The following LMF1 variants were observed in gnomAD, a reference collection of about 807,000 sequenced individuals.
LMF1 encodes the protein transmembrane protein 112.
A neutral mutation model predicts 60.6 loss-of-function variants in LMF1; 68 were observed. The observed-to-expected ratio is 1.12, with a 90% CI of 0.92 to 1.37. The LOEUF is 1.37. Ranked by LOEUF, LMF1 falls within the 40% of genes most tolerant of loss-of-function variation. The probability of loss-of-function intolerance (pLI) is 0.00; values close to 1 mark genes in which losing one functional copy is unlikely to be tolerated. For synonymous variants in LMF1, 418 were observed against 324.7 expected (o/e 1.29, Z -3.09); for missense variants, 948 against 767.2 (o/e 1.24, Z -2.78).
At chr16:869,266 G>A (rs1216796712) in intron 9 of LMF1, 10 of 670,576 alleles carry the variant, frequency 1.5e-5, no homozygotes, top group Non-Finnish European at 2.2e-5. Flanking sequence ...GTCGGCCGCT[G>A]GCTTCGCTCC....
chr16:955,484 CAT>C (rs1185381667), intron 1 of LMF1, among the ~76,000 whole-genome samples: 2 of 147,500 alleles, frequency 1.4e-5, no homozygotes, highest in Admixed American at 1.3e-4. Flanking sequence ...CACACACACA[CAT>C]CTAAGTAAAC....
At chr16:963,566 T>C (rs2072861038) in intron 1 of LMF1, among the ~76,000 whole-genome samples, 1 of 151,968 alleles carries the variant, frequency 6.6e-6, no homozygotes, top group Admixed American at 6.5e-5. Flanking sequence ...TGTATGCAGG[T>C]GGGAGAAACA....
chr16:976,693 G>A, intron 1 of LMF1: 1 of 454,118 alleles, frequency 2.2e-6, no homozygotes, highest in Non-Finnish European at 4.4e-6. Context: ...CCAGAAGCTT[G>A]GGGACCCGCT....
At chr16:888,623 C>T (rs1277830756) in intron 5 of LMF1, among the ~76,000 whole-genome samples, 1 of 152,244 alleles carries the variant, frequency 6.6e-6, no homozygotes, top group East Asian at 1.9e-4. Flanking sequence ...CAGGCAACCG[C>T]TCCGATGTGG....
rs2072834695 is a variant in LMF1 at position 962,618 on chromosome 16, G to T, written c.194-7952C>A. 6.6e-6 allele frequency among the ~76,000 whole-genome samples: 1 copy of T among 152,136 alleles called. No individual in the cohort carries two copies. The highest frequency in any genetic ancestry group is 1.5e-5 in the Non-Finnish European group (1 of 68,036). On this transcript the variant is annotated intron_variant, in intron 1 of 10. Coordinates refer to ENST00000262301, the MANE Select transcript of LMF1 (RefSeq NM_022773.4). The surrounding 1 kb of genome is among the most constrained non-coding windows in gnomAD (Gnocchi z 4.5). ...TCTAATTGCGAGGAAACACCAGACGGACCCAACGTGAGGGACGCTCTACAG... is the reference window on the plus strand; with the variant it reads ...TCTAATTGCGAGGAAACACCAGACGTACCCAACGTGAGGGACGCTCTACAG...
rs1363460602 is a variant in LMF1, at chr16:962,220, G to A, written c.194-7554C>T. 1.4e-5 allele frequency among the ~76,000 whole-genome samples: 2 copies of A among 141,940 alleles called. No homozygotes were observed. The highest frequency in any genetic ancestry group is 2.7e-5 in the African/African-American group (1 of 37,140). The allele number at this position is 141,940 out of a possible 152,430, so 93.1% of individuals were successfully genotyped here. The stretch of plus-strand genomic sequence containing the variant: ...CACGACCCAGACACAGACTCACGGT[G>A]ACAGCATGGGATCACGACCCAGACA... On this transcript the variant is annotated intron_variant, in intron 1 of 10. Coordinates refer to ENST00000262301, the MANE Select transcript of LMF1 (RefSeq NM_022773.4). This position sits in a 1 kb window ranked among gnomAD's most constrained non-coding sequence, Gnocchi z 4.5.
At chr16:976,435 C>G (rs1293791892) in intron 1 of LMF1, 1 of 454,170 alleles carries the variant, frequency 2.2e-6, no homozygotes, top group East Asian at 6.9e-5. Flanking sequence ...CTGCCACCAA[C>G]GGAAGCGTTG....
chr16:854,682 C>T lies in LMF1; in HGVS notation c.1554G>A (p.Arg518=), dbSNP rs1432924219. ...PPRWVRGEHY[R]YKFSRPGGRH... is the part of the protein sequence containing the mutation. ...TGCCCCCAGGACGGCTGAACTTGTA[C>T]CTGTAGTGCTCTCCTCGGACCCACC... is the stretch of plus-strand genomic sequence containing the variant. Residue 518 remains arginine, a synonymous_variant, in exon 11 of 11, where the codon AGG becomes AGA. Transcript: ENST00000262301. The T allele has an allele frequency of 3.7e-6, 6 of 1,600,468 alleles. No homozygotes were observed. The highest frequency in any genetic ancestry group is 5.1e-6 in the Non-Finnish European group (6 of 1,177,226).
At position 954,188 on chromosome 16, in the gene LMF1, T is replaced by C. The variant is rs963471881; in HGVS notation, c.503+169A>G. 11 of 746,366 alleles carry C rather than the reference T, an allele frequency of 1.5e-5. No individual in the cohort carries two copies. In the African/African-American group the frequency reaches 1.9e-4, roughly 13 times the overall value. The allele number at this position is 746,366 out of a possible 1,614,324, so 46.2% of individuals were successfully genotyped here. A position where few individuals can be genotyped will look rare whatever the true frequency, so the allele number is the denominator to read the frequency against. Reference sequence around the variant, plus strand: ...TAATCCTGAAGATGGGTGGCTGCTGTGGCTGGTGCACTGGCCGCTCTGCCA... The same window carrying C: ...TAATCCTGAAGATGGGTGGCTGCTGCGGCTGGTGCACTGGCCGCTCTGCCA... On this transcript the variant is annotated intron_variant, in intron 2 of 10. Coordinates refer to ENST00000262301, the MANE Select transcript of LMF1 (RefSeq NM_022773.4).
chr16:976,364 C>T (rs529884866), intron 1 of LMF1: 67 of 454,114 alleles, frequency 1.5e-4, no homozygotes, highest in Middle Eastern at 6.9e-4. Flanking sequence ...AGGTGTCTGG[C>T]GTCAGACAGC....
At chr16:899,138 T>C (rs1462320122) in intron 4 of LMF1, 1 of 152,250 alleles carries the variant, frequency 6.6e-6, no homozygotes, top group South Asian at 2.1e-4. Flanking sequence ...TGAGACACCC[T>C]CGCCCTGGAG....
chr16:943,610 C>A (rs952742479), intron 2 of LMF1, among the ~76,000 whole-genome samples: 2 of 150,988 alleles, frequency 1.3e-5, no homozygotes, highest in African/African-American at 2.4e-5. Flanking sequence ...ACCTATAATC[C>A]CAGCTACTTG....
At chr16:949,933 A>G (rs576259211) in intron 2 of LMF1, among the ~76,000 whole-genome samples, 3 of 85,594 alleles carry the variant, frequency 3.5e-5, no homozygotes, top group Non-Finnish European at 6.8e-5. Flanking sequence ...GTCAGAGCCA[A>G]TGAGAGTCAG....
At chr16:913,207 C>T (rs2071171010) in intron 3 of LMF1, among the ~76,000 whole-genome samples, 1 of 152,242 alleles carries the variant, frequency 6.6e-6, no homozygotes, top group South Asian at 2.1e-4. Context: ...CTCCACTCCA[C>T]GGCTCCGGCG....
Position 854,173 on chromosome 16 carries a change from G to C in LMF1, c.*359C>G, listed in dbSNP as rs1232831929. 2.0e-6 allele frequency: 1 copy of C among 500,876 alleles called. No individual in the cohort carries two copies. Among genetic ancestry groups the C allele is most frequent in the Non-Finnish European group, 3.9e-6 (1 of 258,152 alleles). 31.0% of individuals were successfully genotyped at this position (500,876 alleles called of 1,614,324 possible). On this transcript the variant is annotated 3_prime_UTR_variant, in exon 11 of 11. Transcript: ENST00000262301. ...GAGACCCCAAGAGCTACCTGGCTGG[G>C]TCTATGGTCAGGGCTGTAGTGGAGG...
In LMF1 at chr16:856,820, C is replaced by A. The variant is rs1292899144; in HGVS notation, c.1530-2114G>T. ...CTTGAGAGTGTTGAAAATAGGGGAT[C>A]TCCCAGCCCTTTTGAAATAGACCCT... On this transcript the variant is annotated intron_variant, in intron 10 of 10. Transcript: ENST00000262301. 4.6e-5 allele frequency among the ~76,000 whole-genome samples: 7 copies of A among 152,190 alleles called. No individual in the cohort carries two copies. The East Asian group carries it at 5.8e-4, about 13-fold the overall frequency.
chr16:868,808 G>A, intron 10 of LMF1, 136 bp downstream of exon 10: 1 of 626,870 alleles, frequency 1.6e-6, no homozygotes, highest in East Asian at 2.7e-5. Context: ...CTCCCAGCAG[G>A]CCCCACCTCC....
Position 871,167 on chromosome 16 carries a change from T to A in LMF1, c.1072A>T (p.Arg358Ter). ...RDIRGARPEP[R>*]FGSVVRRAAN... ...CCCCAGCTGAGCCACCTACCGAATC[T>A]GGGCTCGGGCCGGGCCCCTCGGATG... The change falls in exon 7 of 11, where the codon AGA (arginine) becomes TGA (stop). Residue 358 changes from arginine (R) to a stop codon, truncating the protein, a stop_gained. Transcript: ENST00000262301. LOFTEE classifies it high-confidence loss of function. The A allele has an allele frequency of 6.3e-7, 1 of 1,589,956 alleles. No homozygotes were observed.
intron 2 of LMF1, among the ~76,000 whole-genome samples, chr16:935,035 A>C (rs1298780855): frequency 6.6e-6 from 1 of 152,210 alleles, no homozygotes; most frequent in Non-Finnish European, 1.5e-5. Context: ...TGTGGACACG[A>C]AATGTACGGA....
Sources: gnomAD v4.1 joint callset for allele counts (sites outside exome capture counted in the v4.1 genomes callset) on GRCh38, gnomAD v4.1.1 for gene constraint, Gnocchi (gnomAD v3.1) non-coding constraint, MANE v1.5 for transcripts, NCBI Gene and HGNC (gene_info 2026-07-23, HGNC 2026-07-21) for gene names.